TMCO6: variants seen among roughly 807,000 people sequenced by gnomAD.
The protein encoded by TMCO6 is transmembrane and coiled-coil domains 6.
TMCO6 carries 47 observed loss-of-function variants against 61.8 expected under a neutral mutation model. The ratio of observed to expected loss-of-function variants is 0.76; its 90% CI spans 0.60 to 0.97. TMCO6 has a LOEUF of 0.97. Among genes scored for constraint, TMCO6 ranks in the 50% least tolerant of loss-of-function variants. The pLI, the probability that TMCO6 is intolerant of heterozygous loss-of-function variation, is 0.00. For synonymous variants in TMCO6, 261 were observed against 254.2 expected (o/e 1.03, Z -0.25); for missense variants, 557 against 601.6 (o/e 0.93, Z 0.78).
At chr5:140,619,919 A>AAT in the TMCO6 span, among the ~76,000 whole-genome samples, 1 of 152,258 alleles carries the variant, frequency 6.6e-6, no homozygotes, top group Non-Finnish European at 1.5e-5. Context: ...GTGGAGCAAC[A>AAT]GGAACTCTCA....
chr5:140,612,762 C>T, the TMCO6 span, among the ~76,000 whole-genome samples: 1 of 152,236 alleles, frequency 6.6e-6, no homozygotes, highest in African/African-American at 2.4e-5. Flanking sequence ...ATCCTTGAGA[C>T]TGGAACCATG....
the TMCO6 span, among the ~76,000 whole-genome samples, chr5:140,599,061 G>T: frequency 2.0e-5 from 3 of 152,192 alleles, no homozygotes; most frequent in African/African-American, 7.2e-5. Context: ...GCCTTCCAAC[G>T]GGGGAATGTG....
At chr5:140,596,656 C>G in the TMCO6 span, among the ~76,000 whole-genome samples, 45,470 of 152,036 alleles carry the variant, frequency 0.3, 7,014 homozygotes, top group African/African-American at 0.31. Flanking sequence ...GCTGGAACAG[C>G]CTGGGCTCTG....
chr5:140,617,251 CCCCGT>C, the TMCO6 span, among the ~76,000 whole-genome samples: 1 of 152,020 alleles, frequency 6.6e-6, no homozygotes, highest in Admixed American at 6.6e-5. Context: ...CATGGTGAAA[CCCCGT>C]CTCTACTAAA....
chr5:140,637,974 C>CCTTTCTTTCTTTCTTT (rs202156970), upstream of TMCO6, among the ~76,000 whole-genome samples: 36 of 150,520 alleles, frequency 2.4e-4, no homozygotes, highest in Admixed American at 1.9e-3. Flanking sequence ...TTCTTTTCTC[C>CCTTTCTTTCTTTCTTT]CTTTCTTTCT....
At chr5:140,599,655 C>A in the TMCO6 span, among the ~76,000 whole-genome samples, 2 of 152,198 alleles carry the variant, frequency 1.3e-5, no homozygotes, top group Admixed American at 1.3e-4. Context: ...AATCCCAGCA[C>A]TTTGGGAGGC....
chr5:140,643,876 G>C lies in TMCO6; in HGVS notation c.1015G>C (p.Val339Leu). ...GQMQLRDERV[V>L]AALFILLQFF... The stretch of plus-strand genomic sequence containing the variant: ...AATGCAGCTCAGAGATGAGCGTGTT[G>C]TGGCAGCCTTATTTATCCTTCTGCA... Residue 339 changes from valine to leucine, a missense_variant, in exon 9 of 12, where the codon GTG becomes CTG. Val to Leu is a conservative substitution (Grantham distance 32). Coordinates refer to ENST00000394671, the MANE Select transcript of TMCO6 (RefSeq NM_018502.5). 6.2e-7 allele frequency: 1 copy of C among 1,614,240 alleles called. No individual in the cohort carries two copies. The highest frequency in any genetic ancestry group is 2.2e-5 in the East Asian group (1 of 44,888).
chr5:140,635,078 G>T (rs961386058), upstream of TMCO6, among the ~76,000 whole-genome samples: 1 of 152,206 alleles, frequency 6.6e-6, no homozygotes. Flanking sequence ...CACCGTGCCC[G>T]GCAGAAAGTC....
chr5:140,614,226 C>T, the TMCO6 span, among the ~76,000 whole-genome samples: 5 of 149,742 alleles, frequency 3.3e-5, no homozygotes, highest in East Asian at 2.1e-4. Flanking sequence ...ACAACAAATG[C>T]GGCCAGGCAC....
upstream of TMCO6, among the ~76,000 whole-genome samples, chr5:140,637,826 A>T (rs546153501): frequency 5.3e-5 from 8 of 152,034 alleles, no homozygotes; most frequent in Non-Finnish European, 1.2e-4. Flanking sequence ...AAAAATTTAA[A>T]ATCTACCTAT....
Position 140,644,194 on chromosome 5 carries a change from G to C in TMCO6, c.1200G>C (p.Met400Ile). 1 of 1,613,918 alleles carries C rather than the reference G, an allele frequency of 6.2e-7. No individual in the cohort carries two copies. The highest frequency in any genetic ancestry group is 8.5e-7 in the Non-Finnish European group (1 of 1,179,810). Reference protein sequence around the residue: ...LLPVSNVVSVMVLTVLCNVAE... With the variant: ...LLPVSNVVSVIVLTVLCNVAE... The stretch of plus-strand genomic sequence containing the variant: ...CAGTATCTAACGTGGTGAGCGTAAT[G>C]GTATGTATTGGGGTTACTTGAATCC... The change falls in exon 10 of 12, where the codon ATG becomes ATC. Residue 400 changes from methionine (M) to isoleucine (I), a missense_variant and splice_region_variant. By Grantham distance (10) the Met-to-Ile change is conservative. Coordinates refer to ENST00000394671, the MANE Select transcript of TMCO6 (RefSeq NM_018502.5).
the TMCO6 span, among the ~76,000 whole-genome samples, chr5:140,613,186 C>T: frequency 1.3e-5 from 2 of 151,874 alleles, no homozygotes; most frequent in African/African-American, 4.8e-5. Context: ...GTCAAGAGCT[C>T]GAGAGCATCC....
chr5:140,628,866 A>G, the TMCO6 span, among the ~76,000 whole-genome samples: 1 of 152,142 alleles, frequency 6.6e-6, no homozygotes. Flanking sequence ...TGATCTGACA[A>G]CCCAGACAGC....
the TMCO6 span, among the ~76,000 whole-genome samples, chr5:140,615,523 A>G: frequency 1.2e-4 from 18 of 152,322 alleles, no homozygotes; most frequent in African/African-American, 4.3e-4. Flanking sequence ...TGGAGATCTC[A>G]TACATCCTGA....
chr5:140,645,022 C>A lies in TMCO6; in HGVS notation c.1406C>A (p.Ala469Asp). Residue 469 changes from alanine (A) to aspartate (D), a missense_variant, in exon 12 of 12, where the codon GCC becomes GAC. Coordinates refer to ENST00000394671, the MANE Select transcript of TMCO6 (RefSeq NM_018502.5). ...TTCCTGCAGCAGTCAGGGCTGCAAGCCCTGGAAAGGCATCAGGAAGAGGCC... is the reference window on the plus strand; with the variant it reads ...TTCCTGCAGCAGTCAGGGCTGCAAGACCTGGAAAGGCATCAGGAAGAGGCC... ...QVFLQQSGLQALERHQEEAQL... is the reference protein window; with the variant it reads ...QVFLQQSGLQDLERHQEEAQL... The A allele has an allele frequency of 6.2e-7, 1 of 1,614,212 alleles. No homozygotes were observed. The highest frequency in any genetic ancestry group is 1.1e-5 in the South Asian group (1 of 91,084).
chr5:140,646,220 A>G (rs1476304092), downstream of TMCO6, among the ~76,000 whole-genome samples: 1 of 152,118 alleles, frequency 6.6e-6, no homozygotes, highest in Non-Finnish European at 1.5e-5. Context: ...CATGTTGGCC[A>G]GGCTGGTCTT....
the TMCO6 span, among the ~76,000 whole-genome samples, chr5:140,630,763 CTG>C: frequency 1.3e-5 from 2 of 152,190 alleles, no homozygotes; most frequent in African/African-American, 4.8e-5. Flanking sequence ...CTGGTAATGT[CTG>C]TAACTCTCTT....
In TMCO6 at chr5:140,639,527, C is replaced by T. The variant is rs1434891815; in HGVS notation, c.-1C>T. The stretch of plus-strand genomic sequence containing the variant: ...TTCGGCTTTCCTCCTCCTGCTCCAC[C>T]ATGTGGAGCCGACGGCAGGGCCGCC... On this transcript the variant is annotated 5_prime_UTR_variant, in exon 1 of 12. Transcript: ENST00000394671. 3.2e-6 allele frequency: 5 copies of T among 1,549,626 alleles called. No individual in the cohort carries two copies. Among genetic ancestry groups the T allele is most frequent in the Non-Finnish European group, 4.4e-6 (5 of 1,146,538 alleles).
At chr5:140,612,690 G>A in the TMCO6 span, among the ~76,000 whole-genome samples, 1 of 152,134 alleles carries the variant, frequency 6.6e-6, no homozygotes, top group Non-Finnish European at 1.5e-5. Flanking sequence ...CCCGACCTCC[G>A]ACCTTGGTTG....
Sources: allele counts gnomAD v4.1 joint callset (sites outside exome capture counted in the v4.1 genomes callset), GRCh38; gene constraint gnomAD v4.1.1; transcripts MANE v1.5; gene names NCBI Gene and HGNC (gene_info 2026-07-23, HGNC 2026-07-21).